CENPE: variants seen among roughly 807,000 people sequenced by gnomAD.
CENPE encodes centromere-associated protein E.
In CENPE, 145 loss-of-function variants were observed where a neutral mutation model predicts 336.1. The ratio of observed to expected loss-of-function variants is 0.43; its 90% CI spans 0.38 to 0.50. The LOEUF (loss-of-function observed/expected upper bound fraction) is 0.50, where lower values mean the gene tolerates loss of function less well. Among genes scored for constraint, CENPE ranks in the 20% least tolerant of loss-of-function variants. The pLI is 0.00. For synonymous variants in CENPE, 1,013 were observed against 984.8 expected (o/e 1.03, Z -0.54); for missense variants, 2,719 against 3,023.3 (o/e 0.90, Z 2.36).
At chr4:103,154,984 T>A (rs1198848142) in intron 24 of CENPE, among the ~76,000 whole-genome samples, 1 of 152,168 alleles carries the variant, frequency 6.6e-6, no homozygotes. Flanking sequence ...TCCACTCTTT[T>A]ATTCCCATGG....
intron 45 of CENPE, chr4:103,116,275 C>CACACACACACACAT (rs1750105431): frequency 5.7e-6 from 1 of 174,916 alleles, no homozygotes; most frequent in Admixed American, 6.2e-5. Flanking sequence ...CACACACACA[C>CACACACACACACAT]ACTCTTAATG....
chr4:103,121,909 G>C (rs1265464867), intron 43 of CENPE, among the ~76,000 whole-genome samples: 1 of 151,768 alleles, frequency 6.6e-6, no homozygotes, highest in Non-Finnish European at 1.5e-5. Flanking sequence ...TCATACACCT[G>C]TACTAAATTC....
intron 44 of CENPE, among the ~76,000 whole-genome samples, chr4:103,119,387 A>G (rs2125860889): frequency 6.6e-6 from 1 of 152,350 alleles, no homozygotes; most frequent in South Asian, 2.1e-4. Flanking sequence ...AAATTACAAC[A>G]TTCTAAAACT....
intron 1 of CENPE, among the ~76,000 whole-genome samples, chr4:103,197,776 A>C (rs1246583554): frequency 6.6e-6 from 1 of 152,234 alleles, no homozygotes; most frequent in Non-Finnish European, 1.5e-5. Flanking sequence ...CAATGACGGG[A>C]GTGTCTGTGT....
At chr4:103,130,385 T>C (rs551881113) in intron 42 of CENPE, among the ~76,000 whole-genome samples, 1 of 152,306 alleles carries the variant, frequency 6.6e-6, no homozygotes, top group South Asian at 2.1e-4. Flanking sequence ...AATTTACAAG[T>C]GTAATTTGAA....
chr4:103,141,146 G>A, intron 35 of CENPE, 42 bp from the exon 36 acceptor site: 1 of 1,163,874 alleles, frequency 8.6e-7, no homozygotes, highest in Non-Finnish European at 1.2e-6. Context: ...GGCTTTTTAG[G>A]GACAGATAAA....
chr4:103,147,014 T>C (rs1753111666), intron 29 of CENPE, among the ~76,000 whole-genome samples: 1 of 152,186 alleles, frequency 6.6e-6, no homozygotes, highest in Non-Finnish European at 1.5e-5. Flanking sequence ...GAAAGCACAG[T>C]AGTGCTTTAT....
intron 46 of CENPE, among the ~76,000 whole-genome samples, chr4:103,111,776 C>T (rs1418407953): frequency 1.3e-5 from 2 of 152,052 alleles, no homozygotes; most frequent in African/African-American, 4.8e-5. Context: ...TCGGTAGGTG[C>T]TGTGGTTATC....
Position 103,151,352 on chromosome 4 carries a change from C to G in CENPE, c.3263G>C (p.Arg1088Thr). The change falls in exon 26 of 49, where the codon AGA becomes ACA. Residue 1088 changes from arginine to threonine, a missense_variant. Arg to Thr is a moderately conservative substitution (Grantham distance 71). This residue lies in a region of CENPE where 2,437 missense variants were observed against 2,513.3 expected (regional missense o/e 0.97). Coordinates refer to ENST00000265148, the MANE Select transcript of CENPE (RefSeq NM_001813.3). Reference sequence around the variant, plus strand: ...CTTTTTAAGTTCATCCCCAAGAAGTCTTAATTCTTCCTGGTTTTCAATGGT... The same window carrying G: ...CTTTTTAAGTTCATCCCCAAGAAGTGTTAATTCTTCCTGGTTTTCAATGGT... ...EMTIENQEEL[R>T]LLGDELKKQQ... The G allele has an allele frequency of 6.3e-7, 1 of 1,581,804 alleles. No individual in the cohort carries two copies. The highest frequency in any genetic ancestry group is 8.5e-7 in the Non-Finnish European group (1 of 1,172,370).
intron 39 of CENPE, among the ~76,000 whole-genome samples, chr4:103,137,821 A>G (rs1752195816): frequency 6.6e-6 from 1 of 152,174 alleles, no homozygotes; most frequent in South Asian, 2.1e-4. Context: ...TATTTTCAAT[A>G]TAACAATTAA....
Position 103,123,182 on chromosome 4 carries a change from T to A in CENPE, c.6925-93A>T, listed in dbSNP as rs1750791957. On this transcript the variant is annotated intron_variant, in intron 42 of 48. Transcript: ENST00000265148. ...TTATTTTCCATGGTTTCAGTTACCCTCAGTCAAAAGTGGTCTGAAAATATT... is the reference window on the plus strand; with the variant it reads ...TTATTTTCCATGGTTTCAGTTACCCACAGTCAAAAGTGGTCTGAAAATATT... The A allele has an allele frequency of 3.2e-6, 3 of 924,184 alleles. No homozygotes were observed. The Admixed American group carries it at 6.3e-5, about 19-fold the overall frequency. The allele number at this position is 924,184 out of a possible 1,614,324, so 57.2% of individuals were successfully genotyped here.
At chr4:103,155,526 C>T (rs569474310) in intron 24 of CENPE, among the ~76,000 whole-genome samples, 37 of 151,998 alleles carry the variant, frequency 2.4e-4, no homozygotes, top group South Asian at 6.2e-4. Context: ...TTGCCCAGGC[C>T]GGTCTTGAAC....
At chr4:103,196,309 G>T in intron 2 of CENPE, 57 bp from the exon 3 acceptor site, 1 of 1,260,952 alleles carries the variant, frequency 7.9e-7, no homozygotes, top group Non-Finnish European at 1.1e-6. Context: ...AGTCCACTGT[G>T]TTTTCATTCC....
At position 103,153,259 on chromosome 4, in the gene CENPE, T is replaced by C. The variant is rs768560895; in HGVS notation, c.3034-9A>G. On this transcript the variant is annotated splice_polypyrimidine_tract_variant and intron_variant, in intron 24 of 48. Coordinates refer to ENST00000265148, the MANE Select transcript of CENPE (RefSeq NM_001813.3). ...TTATCTATGCCAACCATCTAAAACA[T>C]AAACACATTACAGAAGAATTTCTTA... is the stretch of plus-strand genomic sequence containing the variant. 6.4e-7 allele frequency: 1 copy of C among 1,571,856 alleles called. No individual in the cohort carries two copies. The highest frequency in any genetic ancestry group is 8.7e-7 in the Non-Finnish European group (1 of 1,154,644).
chr4:103,125,643 T>A (rs1220473133), intron 42 of CENPE, among the ~76,000 whole-genome samples: 1 of 151,804 alleles, frequency 6.6e-6, no homozygotes, highest in Non-Finnish European at 1.5e-5. Context: ...GGCGGGCAGA[T>A]CATGAGGTCA....
chr4:103,157,769 T>C (rs1030115276), intron 24 of CENPE, among the ~76,000 whole-genome samples: 1 of 151,984 alleles, frequency 6.6e-6, no homozygotes, highest in African/African-American at 2.4e-5. Flanking sequence ...TATACTACTA[T>C]ATACTATTCC....
chr4:103,180,111 T>C (rs973314844), intron 13 of CENPE, among the ~76,000 whole-genome samples, 200 bp downstream of exon 13: 1 of 152,216 alleles, frequency 6.6e-6, no homozygotes, highest in African/African-American at 2.4e-5. Flanking sequence ...TCCAAACTTG[T>C]TGAATTAGAA....
At chr4:103,118,568 A>T (rs1190913565) in intron 44 of CENPE, among the ~76,000 whole-genome samples, 1 of 152,110 alleles carries the variant, frequency 6.6e-6, no homozygotes, top group Non-Finnish European at 1.5e-5. Context: ...TTCTTTATGG[A>T]TTGCACTTCT....
chr4:103,116,790 T>A (rs994342211), intron 44 of CENPE, 101 bp from the exon 45 acceptor site: 15 of 584,732 alleles, frequency 2.6e-5, no homozygotes, highest in Non-Finnish European at 4.2e-5. Flanking sequence ...AAGGACATTT[T>A]AAAATAGCAA....
Sources: gnomAD v4.1 joint callset for allele counts (sites outside exome capture counted in the v4.1 genomes callset) on GRCh38, gnomAD v4.1.1 for gene constraint, gnomAD v4.1.1 regional missense constraint, MANE v1.5 for transcripts, NCBI Gene and HGNC (gene_info 2026-07-23, HGNC 2026-07-21) for gene names.